The following ATP2B4 variants were observed in gnomAD, a reference collection of about 807,000 sequenced individuals.
The protein encoded by ATP2B4 is ATPase plasma membrane Ca2+ transporting 4.
ATP2B4 carries 39 observed loss-of-function variants against 110.3 expected under a neutral mutation model. The ratio of observed to expected loss-of-function variants is 0.35; its 90% confidence interval spans 0.27 to 0.46. The LOEUF (loss-of-function observed/expected upper bound fraction) is 0.46. Ranked by LOEUF, ATP2B4 falls within the 20% of genes least tolerant of loss-of-function variation. The pLI is 1.00. For missense variants in ATP2B4, 1,135 were observed against 1,530.9 expected (o/e 0.74, Z 4.32); for synonymous variants, 538 against 571.7 (o/e 0.94, Z 0.84).
At chr1:203,630,762 G>C (rs1365414134) in intron 1 of ATP2B4, among the ~76,000 whole-genome samples, 1 of 152,182 alleles carries the variant, frequency 6.6e-6, no homozygotes, top group Non-Finnish European at 1.5e-5. Context: ...GTATTTGGTG[G>C]GTAGGGGTGA....
intron 17 of ATP2B4, among the ~76,000 whole-genome samples, chr1:203,721,811 C>T (rs1031992393): frequency 1.1e-4 from 17 of 151,682 alleles, no homozygotes; most frequent in African/African-American, 1.9e-4. Flanking sequence ...TACAGGCATG[C>T]GCCACCACAC....
intron 1 of ATP2B4, among the ~76,000 whole-genome samples, chr1:203,654,506 A>G (rs1489234451): frequency 6.6e-6 from 1 of 152,238 alleles, no homozygotes; most frequent in East Asian, 1.9e-4. Flanking sequence ...TTGTAAAGCT[A>G]TAGCTGCCAT....
chr1:203,632,696 T>TAA (rs79013470), intron 1 of ATP2B4, among the ~76,000 whole-genome samples: 14 of 122,220 alleles, frequency 1.1e-4, no homozygotes, highest in African/African-American at 2.1e-4. Flanking sequence ...ATATTTTAAG[T>TAA]AAAAAAAAAA....
chr1:203,705,487 C>T (rs1294809370), intron 8 of ATP2B4, among the ~76,000 whole-genome samples: 3 of 152,348 alleles, frequency 2.0e-5, no homozygotes, highest in Middle Eastern at 3.4e-3. Context: ...CAACCTCCAC[C>T]TCCGGGGTTC....
Position 203,710,944 on chromosome 1 carries a change from G to A in ATP2B4, c.1867G>A (p.Val623Ile). Residue 623 changes from valine to isoleucine, a missense_variant, in exon 12 of 21, where the codon GTA (valine) becomes ATA (isoleucine). Transcript: ENST00000357681. ...CAAGAATAAAGACAGAGATGATATG[G>A]TACGCACTGTCATCGAGCCCATGGC... is the stretch of plus-strand genomic sequence containing the variant. ...PFKNKDRDDMVRTVIEPMACD... is the reference protein window; with the variant it reads ...PFKNKDRDDMIRTVIEPMACD... The A allele has an allele frequency of 1.9e-6, 3 of 1,614,106 alleles. No homozygotes were observed. Among genetic ancestry groups the A allele is most frequent in the Non-Finnish European group, 1.7e-6 (2 of 1,180,002 alleles).
At chr1:203,688,157 G>A (rs1426809628) in intron 2 of ATP2B4, among the ~76,000 whole-genome samples, 1 of 151,618 alleles carries the variant, frequency 6.6e-6, no homozygotes, top group Non-Finnish European at 1.5e-5. Context: ...CCAAGTAGCT[G>A]GGACCACAGA....
intron 15 of ATP2B4, among the ~76,000 whole-genome samples, chr1:203,719,741 A>AATAG (rs1666266881): frequency 6.6e-6 from 1 of 151,512 alleles, no homozygotes; most frequent in Non-Finnish European, 1.5e-5. Flanking sequence ...TAAATAAATA[A>AATAG]ATAAATAAAT....
rs768583865 is a variant in ATP2B4 at position 203,739,715 on chromosome 1, C to A, written c.3479C>A (p.Ser1160Tyr). 9.3e-6 allele frequency: 15 copies of A among 1,614,054 alleles called. No homozygotes were observed. The highest frequency in any genetic ancestry group is 1.1e-5 in the Non-Finnish European group (13 of 1,180,042). ...EEEEENPDKA[S>Y]KFGTRVLLLD... Reference sequence around the variant, plus strand: ...GAGGAGGAAAATCCTGACAAGGCTTCTAAGTTTGGGACTAGGGTGCTCCTG... The same window carrying A: ...GAGGAGGAAAATCCTGACAAGGCTTATAAGTTTGGGACTAGGGTGCTCCTG... The change falls in exon 21 of 21, where the codon TCT becomes TAT. Residue 1160 changes from serine (S) to tyrosine (Y), a missense_variant. By Grantham distance (144) the Ser-to-Tyr change is moderately radical (BLOSUM62 -2). Around this residue, in one of 9 missense-constraint regions of ATP2B4, gnomAD observed 92 missense variants for 82.5 expected, o/e 1.11. Coordinates refer to ENST00000357681, the MANE Select transcript of ATP2B4 (RefSeq NM_001684.5).
chr1:203,628,275 G>A (rs1326213308), intron 1 of ATP2B4, among the ~76,000 whole-genome samples: 1 of 151,818 alleles, frequency 6.6e-6, no homozygotes, highest in Admixed American at 6.6e-5. Flanking sequence ...TCCCCGAGTC[G>A]AGTCTGGCCT....
chr1:203,684,351 CTATT>C (rs1482053637), intron 2 of ATP2B4, among the ~76,000 whole-genome samples: 13 of 146,404 alleles, frequency 8.9e-5, no homozygotes, highest in Non-Finnish European at 1.8e-4. Context: ...CACCCCATCT[CTATT>C]TTTTTTTTTT....
chr1:203,670,633 CT>C (rs1664634255), intron 1 of ATP2B4, among the ~76,000 whole-genome samples: 1 of 152,210 alleles, frequency 6.6e-6, no homozygotes, highest in African/African-American at 2.4e-5. Context: ...CCTTCCCACC[CT>C]ATAGGAACTA....
intron 1 of ATP2B4, among the ~76,000 whole-genome samples, chr1:203,640,776 T>A (rs1048354576): frequency 1.3e-5 from 2 of 152,232 alleles, no homozygotes; most frequent in Non-Finnish European, 2.9e-5. Flanking sequence ...ATTTTCCACA[T>A]GATAAAGATG....
chr1:203,659,362 C>T (rs895381775), intron 1 of ATP2B4, among the ~76,000 whole-genome samples: 3 of 152,170 alleles, frequency 2.0e-5, no homozygotes, highest in African/African-American at 7.2e-5. Flanking sequence ...AAGCCCAAAG[C>T]AGGTATTTAA....
At chr1:203,721,054 G>T (rs1666306325) in intron 16 of ATP2B4, 143 bp from the exon 17 acceptor site, 1 of 872,978 alleles carries the variant, frequency 1.1e-6, no homozygotes. Flanking sequence ...GCTCAAGGAA[G>T]TTAAGTAGCT....
chr1:203,677,518 A>G, intron 1 of ATP2B4, among the ~76,000 whole-genome samples: 1 of 152,172 alleles, frequency 6.6e-6, no homozygotes, highest in East Asian at 1.9e-4. Context: ...GCGGGAGTGC[A>G]GTGGCACGAT....
chr1:203,628,741 C>T (rs1663167177), intron 1 of ATP2B4, among the ~76,000 whole-genome samples: 1 of 152,190 alleles, frequency 6.6e-6, no homozygotes, highest in Non-Finnish European at 1.5e-5. Flanking sequence ...AGACCAGGCT[C>T]ATTCCAGGCT....
At position 203,639,635 on chromosome 1, in the gene ATP2B4, G is replaced by T. The variant is rs1376564278; in HGVS notation, c.-465+12416G>T. 3.3e-5 allele frequency among the ~76,000 whole-genome samples: 5 copies of T among 152,340 alleles called. No individual in the cohort carries two copies. The Middle Eastern group carries it at 0.01, about 311-fold the overall frequency. ...GTGAGACCATGGCCTGAATGGTAAA[G>T]GGCTTGCGCTTGTCCTTTGCTGAAG... On this transcript the variant is annotated intron_variant, in intron 1 of 20. Transcript: ENST00000357681.
chr1:203,739,901 C>T lies in ATP2B4; in HGVS notation c.*47C>T, dbSNP rs756085430. 5.6e-5 allele frequency: 88 copies of T among 1,557,574 alleles called. No homozygotes were observed. Among genetic ancestry groups the T allele is most frequent in the East Asian group, 4.3e-4 (19 of 44,432 alleles). The stretch of plus-strand genomic sequence containing the variant: ...TCCCTATTTTACCTATTTCCATTTT[C>T]GTCTATCCCATCTATGAGGTGATGA... On this transcript the variant is annotated 3_prime_UTR_variant, in exon 21 of 21. Coordinates refer to ENST00000357681, the MANE Select transcript of ATP2B4 (RefSeq NM_001684.5).
chr1:203,711,238 C>A, intron 12 of ATP2B4, 130 bp downstream of exon 12: 2 of 795,682 alleles, frequency 2.5e-6, no homozygotes, highest in Non-Finnish European at 4.1e-6. Flanking sequence ...CTTCCTGCTT[C>A]ACAGGACTGC....
Sources: gnomAD v4.1 joint callset for allele counts (sites outside exome capture counted in the v4.1 genomes callset) on GRCh38, gnomAD v4.1.1 for gene constraint, gnomAD v4.1.1 regional missense constraint, MANE v1.5 for transcripts, NCBI Gene and HGNC (gene_info 2026-07-23, HGNC 2026-07-21) for gene names.